PABIR3: variants seen among roughly 807,000 people sequenced by gnomAD.
The protein encoded by PABIR3 is PABIR family member 3.
In PABIR3, 20 loss-of-function variants were observed where a neutral mutation model predicts 23.1. That is an observed-to-expected ratio of 0.86 (90% confidence interval 0.61 to 1.26). The LOEUF is 1.26. Ranked by LOEUF, PABIR3 falls within the 50% of genes most tolerant of loss-of-function variation. The probability of loss-of-function intolerance (pLI) is 0.00; values close to 1 mark genes in which losing one functional copy is unlikely to be tolerated. For synonymous variants in PABIR3, 69 were observed against 68.5 expected, an observed-to-expected ratio of 1.01 and a Z score of -0.04; for missense variants, 189 against 195.4, an observed-to-expected ratio of 0.97 and a Z score of 0.20.
At chrX:134,856,191 T>A (rs768009051), downstream of PABIR3, among the ~76,000 whole-genome samples, 8 of 107,234 alleles carry the variant, frequency 7.5e-5, no homozygotes, top group African/African-American at 2.0e-4. Flanking sequence ...TTCAGTTATT[T>A]TTTTTTTTTT....
At chrX:134,828,047 C>CTCTCTCTCTCTATA (rs1466733144) in intron 3 of PABIR3, among the ~76,000 whole-genome samples, 4 of 49,409 alleles carry the variant, frequency 8.1e-5, no homozygotes, top group African/African-American at 3.3e-4. Context: ...CTCTCTCTCT[C>CTCTCTCTCTCTATA]TATATATATA....
chrX:134,804,126 G>T, upstream of PABIR3: 1 of 846,942 alleles, frequency 1.2e-6, no homozygotes, highest in South Asian at 2.2e-5. Context: ...AGACGCAGCA[G>T]ACTGGGATAT....
intron 8 of PABIR3, 27 bp from the exon 9 acceptor site, chrX:134,849,140 A>T (rs939863539): frequency 1.2e-6 from 1 of 857,035 alleles, no homozygotes; most frequent in Non-Finnish European, 1.5e-6. Context: ...AAAATTTCTT[A>T]TAATGATCAT....
chrX:134,863,798 C>T, the PABIR3 span, among the ~76,000 whole-genome samples: 5 of 111,479 alleles, frequency 4.5e-5, no homozygotes, highest in East Asian at 1.4e-3. Context: ...TTTTGCCATT[C>T]CTCCTACATA....
In PABIR3 at chrX:134,811,905, G is replaced by GC. The variant is rs751770203; in HGVS notation, c.111-2863dup. Among the ~76,000 whole-genome samples the GC allele has an allele frequency of 1.7e-4, 19 of 112,365 alleles. No individual in the cohort carries two copies. In the South Asian group the frequency reaches 3.7e-3, roughly 22 times the overall value. On this transcript the variant is annotated intron_variant, in intron 2 of 10. Coordinates refer to ENST00000645433, the MANE Select transcript of PABIR3 (RefSeq NM_001388447.1). ...GAGGAGTTGCAACAGATACTGTATG[G>GC]CCCACAAATCCTAAAATATTTACTC...
chrX:134,831,999 T>C (rs750784166), intron 4 of PABIR3, among the ~76,000 whole-genome samples: 33 of 111,531 alleles, frequency 3.0e-4, no homozygotes, highest in African/African-American at 9.4e-4. Context: ...AACATGAGGC[T>C]GGGCGCAGTG....
At chrX:134,858,181 A>AT (rs2082758419), downstream of PABIR3, among the ~76,000 whole-genome samples, 2 of 111,755 alleles carry the variant, frequency 1.8e-5, no homozygotes, top group Non-Finnish European at 3.8e-5. Context: ...CAGACAGGTT[A>AT]TTTTTTAGCC....
chrX:134,831,714 C>A (rs1283083177), intron 4 of PABIR3: 1 of 111,424 alleles, frequency 9.0e-6, no homozygotes, highest in Non-Finnish European at 1.9e-5. Context: ...GAGTATCCAT[C>A]CCTTCAAGCA....
At chrX:134,828,443 A>G (rs1441687746) in intron 3 of PABIR3, among the ~76,000 whole-genome samples, 2 of 111,673 alleles carry the variant, frequency 1.8e-5, no homozygotes, top group Admixed American at 9.6e-5. Context: ...TAGAATTTGA[A>G]ACTAAGATAT....
chrX:134,844,401 C>T (rs896150792), intron 4 of PABIR3, among the ~76,000 whole-genome samples: 6 of 109,767 alleles, frequency 5.5e-5, no homozygotes, highest in East Asian at 2.8e-4. Flanking sequence ...TGGTAAGGGG[C>T]GCATTGCATC....
At chrX:134,838,927 C>T (rs1211079779) in intron 4 of PABIR3, 30 of 113,289 alleles carry the variant, frequency 2.6e-4, no homozygotes, top group Non-Finnish European at 3.8e-4. Flanking sequence ...AGCTCCTAAC[C>T]GCAAGTGATC....
At chrX:134,851,872 G>A (rs1199149910) in intron 9 of PABIR3, among the ~76,000 whole-genome samples, 2 of 111,616 alleles carry the variant, frequency 1.8e-5, no homozygotes, top group African/African-American at 6.5e-5. Flanking sequence ...TCAAATAGAA[G>A]TTATGGGCTT....
intron 2 of PABIR3, chrX:134,810,246 TCA>T (rs770072633): frequency 2.3e-4 from 176 of 753,199 alleles, no homozygotes; most frequent in Middle Eastern, 7.5e-4. Flanking sequence ...CAGAGAGATC[TCA>T]GTTATCCCTT....
chrX:134,845,506 T>G, intron 6 of PABIR3, 105 bp downstream of exon 6: 1 of 698,373 alleles, frequency 1.4e-6, no homozygotes, highest in East Asian at 3.4e-5. Flanking sequence ...TAAGCTCTAT[T>G]TTGAAACAAA....
intron 1 of PABIR3, 54 bp from the exon 2 acceptor site, chrX:134,807,486 C>T (rs1444343441): frequency 8.7e-7 from 1 of 1,150,045 alleles, no homozygotes; most frequent in Non-Finnish European, 1.2e-6. Context: ...GCTTTCTCCT[C>T]TCTTCTCTTT....
intron 4 of PABIR3, among the ~76,000 whole-genome samples, chrX:134,836,265 G>A (rs1022631395): frequency 5.4e-5 from 6 of 112,015 alleles, no homozygotes; most frequent in Non-Finnish European, 1.1e-4. Context: ...GAGCCACCAC[G>A]TGTGGCCCCT....
intron 3 of PABIR3, among the ~76,000 whole-genome samples, chrX:134,824,570 C>T (rs1364218277): frequency 1.8e-5 from 2 of 112,014 alleles, no homozygotes; most frequent in Non-Finnish European, 3.8e-5. Context: ...GAGGCCAAGG[C>T]GGGTGGATCA....
intron 3 of PABIR3, among the ~76,000 whole-genome samples, chrX:134,828,047 C>CTATATATA (rs61129426): frequency 1.3e-3 from 65 of 49,397 alleles, no homozygotes; most frequent in Admixed American, 2.2e-3. Flanking sequence ...CTCTCTCTCT[C>CTATATATA]TATATATATA....
intron 4 of PABIR3, among the ~76,000 whole-genome samples, chrX:134,837,511 T>C (rs2082011059): frequency 8.9e-6 from 1 of 112,198 alleles, no homozygotes; most frequent in Non-Finnish European, 1.9e-5. Flanking sequence ...TTTTACCATG[T>C]ATCCTGAAAA....
Sources: gnomAD v4.1 joint callset for allele counts (sites outside exome capture counted in the v4.1 genomes callset) on GRCh38, gnomAD v4.1.1 for gene constraint, MANE v1.5 for transcripts, NCBI Gene and HGNC (gene_info 2026-07-23, HGNC 2026-07-21) for gene names.